The following POC1A variants were observed in gnomAD, a reference collection of about 807,000 sequenced individuals.
POC1A encodes the protein POC1 centriolar protein A, also known as POC1 centriolar protein homolog A.
Under a neutral mutation model 47.8 loss-of-function variants are expected in POC1A, and 34 were observed. That is an observed-to-expected ratio of 0.71 (90% CI 0.54 to 0.95). The LOEUF (loss-of-function observed/expected upper bound fraction) is 0.95. POC1A is among the 40% of genes least tolerant of loss of function. POC1A has a pLI of 0.00. For missense variants in POC1A, 466 were observed against 528.3 expected (o/e 0.88, Z 1.16); for synonymous variants, 177 against 207.6 (o/e 0.85, Z 1.27).
intron 10 of POC1A, among the ~76,000 whole-genome samples, chr3:52,078,214 T>C (rs1702176988): frequency 6.6e-6 from 1 of 152,156 alleles, no homozygotes; most frequent in Admixed American, 6.5e-5. Flanking sequence ...TGCCTCGTGG[T>C]GGCCACCATC....
rs1448276644 is a variant in POC1A, at chr3:52,138,272, A to G, written c.710T>C (p.Phe237Ser). 1.2e-6 allele frequency: 2 copies of G among 1,613,736 alleles called. No homozygotes were observed. Among genetic ancestry groups the G allele is most frequent in the Non-Finnish European group, 8.5e-7 (1 of 1,179,876 alleles). The part of the protein sequence containing the change: ...LHSAAVNGLS[F>S]HPSGNYLITA... ...GATCAGGTAGTTTCCCGACGGGTGG[A>G]AAGAGAGCCCGTTCACTGCTGCACT... Residue 237 changes from phenylalanine to serine, a missense_variant, in exon 7 of 11, where the codon TTC becomes TCC. By Grantham distance (155) the Phe-to-Ser change is radical (BLOSUM62 -2). Transcript: ENST00000296484.
At chr3:52,110,172 C>A (rs767151636) in intron 9 of POC1A, among the ~76,000 whole-genome samples, 1 of 152,172 alleles carries the variant, frequency 6.6e-6, no homozygotes, top group Non-Finnish European at 1.5e-5. Context: ...ATGTGTCAGA[C>A]ACATACTGAG....
intron 6 of POC1A, among the ~76,000 whole-genome samples, chr3:52,138,584 T>C (rs911377801): frequency 1.3e-5 from 2 of 152,126 alleles, no homozygotes; most frequent in African/African-American, 2.4e-5. Flanking sequence ...GATTCCTCCA[T>C]CCTCTCCCAC....
At chr3:52,146,527 T>C (rs1698369788) in intron 5 of POC1A, among the ~76,000 whole-genome samples, 1 of 152,196 alleles carries the variant, frequency 6.6e-6, no homozygotes, top group Non-Finnish European at 1.5e-5. Flanking sequence ...GGCACCTCTC[T>C]CTCCTGATGA....
At chr3:52,080,606 A>G (rs1702249783) in intron 10 of POC1A, among the ~76,000 whole-genome samples, 1 of 152,232 alleles carries the variant, frequency 6.6e-6, no homozygotes, top group African/African-American at 2.4e-5. Context: ...AGGATAATTC[A>G]TGTGAGCCAT....
chr3:52,077,191 G>A (rs1216713217), intron 10 of POC1A, among the ~76,000 whole-genome samples: 1 of 152,238 alleles, frequency 6.6e-6, no homozygotes, highest in South Asian at 2.1e-4. Flanking sequence ...CTTGACTCCG[G>A]TACTGTGCAG....
At chr3:52,145,768 A>G in intron 6 of POC1A, 78 bp downstream of exon 6, 1 of 930,294 alleles carries the variant, frequency 1.1e-6, no homozygotes, top group Non-Finnish European at 1.7e-6. Flanking sequence ...TTTAAGCACT[A>G]CAGCACAGGA....
At chr3:52,115,182 C>T (rs1208361599) in intron 9 of POC1A, among the ~76,000 whole-genome samples, 1 of 151,918 alleles carries the variant, frequency 6.6e-6, no homozygotes, top group East Asian at 1.9e-4. Context: ...GGTCTCACTA[C>T]TTTACCCAGG....
At chr3:52,106,003 G>A (rs1703165610) in intron 9 of POC1A, among the ~76,000 whole-genome samples, 1 of 151,946 alleles carries the variant, frequency 6.6e-6, no homozygotes, top group Non-Finnish European at 1.5e-5. Flanking sequence ...GACCATCCTG[G>A]CTAACACGGT....
chr3:52,144,994 T>C (rs1416544326), intron 6 of POC1A, among the ~76,000 whole-genome samples: 1 of 152,108 alleles, frequency 6.6e-6, no homozygotes, highest in Non-Finnish European at 1.5e-5. Context: ...ACAACCACGG[T>C]TCTTCAAACA....
Position 52,122,369 on chromosome 3 carries a change from A to G in POC1A, c.981+10T>C. 6.5e-7 allele frequency: 1 copy of G among 1,548,664 alleles called. No homozygotes were observed. The highest frequency in any genetic ancestry group is 1.4e-5 in the African/African-American group (1 of 73,834). On this transcript the variant is annotated intron_variant, in intron 9 of 10. Transcript: ENST00000296484. ...CACAGAGCTCAGGACATGCCTGCCA[A>G]GCCACTTACCAGATTCCCCATGGAG...
At chr3:52,106,979 C>T (rs1703206815) in intron 9 of POC1A, among the ~76,000 whole-genome samples, 1 of 152,210 alleles carries the variant, frequency 6.6e-6, no homozygotes, top group Non-Finnish European at 1.5e-5. Context: ...ATTTGGTGTC[C>T]GACATGCCCC....
chr3:52,097,158 C>T (rs1702845091), intron 9 of POC1A, among the ~76,000 whole-genome samples: 2 of 152,272 alleles, frequency 1.3e-5, no homozygotes. Context: ...AATTCCCCAC[C>T]CTTCAACATG....
chr3:52,094,416 G>A (rs1702739821), intron 10 of POC1A, among the ~76,000 whole-genome samples: 1 of 152,260 alleles, frequency 6.6e-6, no homozygotes, highest in African/African-American at 2.4e-5. Flanking sequence ...CTGGGCCAAT[G>A]CCAAGAGAAA....
chr3:52,109,781 A>C (rs1435181383), intron 9 of POC1A, among the ~76,000 whole-genome samples: 2 of 152,200 alleles, frequency 1.3e-5, no homozygotes, highest in Non-Finnish European at 2.9e-5. Flanking sequence ...GAAACCATCT[A>C]TTCTGATTTT....
chr3:52,078,503 C>CTTT (rs531817608), intron 10 of POC1A, among the ~76,000 whole-genome samples: 14 of 113,526 alleles, frequency 1.2e-4, no homozygotes, highest in South Asian at 2.8e-4. Context: ...ATGGAAATCT[C>CTTT]TTTTTTTTTT....
At chr3:52,108,740 C>CA (rs1703273590) in intron 9 of POC1A, among the ~76,000 whole-genome samples, 1 of 152,182 alleles carries the variant, frequency 6.6e-6, no homozygotes, top group African/African-American at 2.4e-5. Context: ...CCAGCAGCCC[C>CA]ACGATTCCCA....
chr3:52,081,501 G>C (rs112434144), intron 10 of POC1A, among the ~76,000 whole-genome samples: 2,969 of 152,308 alleles, frequency 0.019, 85 homozygotes, highest in African/African-American at 0.063. Context: ...GCACTGCTGG[G>C]ACGGAGGGGC....
Position 52,148,081 on chromosome 3 carries a change from G to A in POC1A, c.456-986C>T, listed in dbSNP as rs1378336879. ...GGCAACATGCAGCCGACTGCCTGCC[G>A]GCAACATTTGCATAAAGGTGGCCAA... On this transcript the variant is annotated intron_variant, in intron 4 of 10. Coordinates refer to ENST00000296484, the MANE Select transcript of POC1A (RefSeq NM_015426.5). Among the ~76,000 whole-genome samples the A allele has an allele frequency of 2.6e-5, 4 of 152,340 alleles. 1 individual carries two copies. Among genetic ancestry groups the A allele is most frequent in the Non-Finnish European group, 2.9e-5 (2 of 68,022 alleles).
Sources: allele counts gnomAD v4.1 joint callset (sites outside exome capture counted in the v4.1 genomes callset), GRCh38; gene constraint gnomAD v4.1.1; transcripts MANE v1.5; gene names NCBI Gene and HGNC (gene_info 2026-07-23, HGNC 2026-07-21).